PI4K2B: variants seen among roughly 807,000 people sequenced by gnomAD.
PI4K2B encodes the protein phosphatidylinositol 4-kinase type 2-beta.
PI4K2B carries 46 observed loss-of-function variants against 56.6 expected under a neutral mutation model. That is an observed-to-expected ratio of 0.81 (90% CI 0.64 to 1.04). The LOEUF is 1.04. PI4K2B is among the 50% of genes least tolerant of loss of function. PI4K2B has a pLI of 0.00. For synonymous variants in PI4K2B, 211 were observed against 223.8 expected (o/e 0.94, Z 0.51); for missense variants, 556 against 607.7 (o/e 0.91, Z 0.89).
chr4:25,252,958 G>T (rs1157592459), intron 2 of PI4K2B, among the ~76,000 whole-genome samples: 1 of 152,198 alleles, frequency 6.6e-6, no homozygotes, highest in Non-Finnish European at 1.5e-5. Context: ...TAGAAACAGA[G>T]CTAATCAGTT....
intron 7 of PI4K2B, among the ~76,000 whole-genome samples, chr4:25,266,028 C>CTT (rs570733940): frequency 7.4e-5 from 10 of 134,498 alleles, no homozygotes; most frequent in African/African-American, 2.2e-4. Context: ...CTGGTGGCTT[C>CTT]TTTTTTTTTT....
rs771743637 is a variant in PI4K2B at position 25,256,574 on chromosome 4, AT to A, written c.657del (p.Tyr219Ter). 5 of 1,613,772 alleles carry A rather than the reference AT, an allele frequency of 3.1e-6. No homozygotes were observed. The East Asian group carries it at 1.1e-4, about 36-fold the overall frequency. The part of the protein sequence containing the change: ...VVWLVSETFN[Y>X]NAIDRAKSRG... ...TGGCTTGTCAGTGAGACATTTAACT[AT>A]AATGCGATTGACCGTGCAAAATCAA... is the stretch of plus-strand genomic sequence containing the variant. On this transcript the variant is annotated frameshift_variant, in exon 4 of 10. Transcript: ENST00000264864. LOFTEE classifies it high-confidence loss of function.
Position 25,268,483 on chromosome 4 carries a change from C to T in PI4K2B, c.1119C>T (p.Pro373=). The T allele has an allele frequency of 6.2e-7, 1 of 1,603,678 alleles. No individual in the cohort carries two copies. Residue 373 remains proline (P), a synonymous_variant, in exon 8 of 10, where the codon CCC becomes CCT. Transcript: ENST00000264864. ...HWAWLPQAKV[P]FSEEIRNLIL... ...CTTGGCTTCCTCAAGCAAAAGTTCC[C>T]TTTTCTGAAGAAATAAGAAATTTGA...
In PI4K2B at chr4:25,277,263, G is replaced by T; in HGVS notation, c.*76G>T. 1.4e-6 allele frequency: 2 copies of T among 1,439,892 alleles called. No individual in the cohort carries two copies. Among genetic ancestry groups the T allele is most frequent in the Non-Finnish European group, 1.8e-6 (2 of 1,083,250 alleles). The allele number at this position is 1,439,892 out of a possible 1,614,324, so 89.2% of individuals were successfully genotyped here. A position where few individuals can be genotyped will look rare whatever the true frequency, so the allele number is the denominator to read the frequency against. On this transcript the variant is annotated 3_prime_UTR_variant, in exon 10 of 10. Transcript: ENST00000264864. ...AACATCATAGTAATATAAATCTGCTGTTAGGAGCTCCAGTTGCTAAAACCT... is the reference window on the plus strand; with the variant it reads ...AACATCATAGTAATATAAATCTGCTTTTAGGAGCTCCAGTTGCTAAAACCT...
rs1248780978 is a variant in PI4K2B, at chr4:25,236,246, TAAA to T, written c.268+1816_268+1818del. ...ATAAATAAATAAATAAATAAATAAA[TAAA>T]TAAATAAATTTTATTCTCTGTTGGG... On this transcript the variant is annotated intron_variant, in intron 1 of 9. Transcript: ENST00000264864. Among the ~76,000 whole-genome samples the T allele has an allele frequency of 4.6e-4, 63 of 138,040 alleles. 1 individual carries two copies. Among genetic ancestry groups the T allele is most frequent in the African/African-American group, 1.5e-3 (58 of 39,258 alleles). 90.6% of individuals were successfully genotyped at this position (138,040 alleles called of 152,430 possible). A position where few individuals can be genotyped will look rare whatever the true frequency, so the allele number is the denominator to read the frequency against.
At chr4:25,246,399 G>A (rs889123205) in intron 1 of PI4K2B, among the ~76,000 whole-genome samples, 13 of 152,184 alleles carry the variant, frequency 8.5e-5, no homozygotes, top group African/African-American at 1.2e-4. Flanking sequence ...AGACACAAAA[G>A]TTCTCCATGT....
intron 1 of PI4K2B, 32 bp from the exon 2 acceptor site, chr4:25,252,289 A>G: frequency 6.4e-7 from 1 of 1,556,498 alleles, no homozygotes; most frequent in Non-Finnish European, 8.8e-7. Context: ...TATCATGAGC[A>G]TTCTCATAGC....
At chr4:25,259,252 A>T in intron 5 of PI4K2B, 62 bp downstream of exon 5, 1 of 1,143,072 alleles carries the variant, frequency 8.7e-7, no homozygotes, top group Non-Finnish European at 1.3e-6. Context: ...TATTCTTGTT[A>T]TCCAAATCAA....
intron 1 of PI4K2B, among the ~76,000 whole-genome samples, chr4:25,241,496 G>T (rs1339088305): frequency 1.3e-5 from 2 of 152,196 alleles, no homozygotes; most frequent in Non-Finnish European, 2.9e-5. Flanking sequence ...AAAGTGGCAG[G>T]GTTGAGGGCC....
At chr4:25,259,803 C>CA (rs1716394130) in intron 5 of PI4K2B, among the ~76,000 whole-genome samples, 1 of 152,226 alleles carries the variant, frequency 6.6e-6, no homozygotes, top group African/African-American at 2.4e-5. Context: ...ATGCGGCCTG[C>CA]AGGCCACGGG....
rs371233714 is a variant in PI4K2B, at chr4:25,255,239, C to G, written c.598C>G (p.His200Asp). ...TGCCTATCTTGTGGACAACAAGCTTCATCTGAGCATTGTACCTAAAACAAA... is the reference window on the plus strand; with the variant it reads ...TGCCTATCTTGTGGACAACAAGCTTGATCTGAGCATTGTACCTAAAACAAA... ...AGAYLVDNKL[H>D]LSIVPKTKVV... Residue 200 changes from histidine to aspartate, a missense_variant, in exon 3 of 10, where the codon CAT becomes GAT. Transcript: ENST00000264864. 4 of 1,613,946 alleles carry G rather than the reference C, an allele frequency of 2.5e-6. No homozygotes were observed. The highest frequency in any genetic ancestry group is 3.4e-6 in the Non-Finnish European group (4 of 1,179,936).
At chr4:25,260,446 C>T in intron 5 of PI4K2B, 78 bp from the exon 6 acceptor site, 1 of 555,160 alleles carries the variant, frequency 1.8e-6, no homozygotes, top group Non-Finnish European at 3.2e-6. Context: ...ATCAGGAGAT[C>T]ACTAGAGTTT....
chr4:25,260,612 A>T (rs749575773), intron 6 of PI4K2B, 21 bp downstream of exon 6: 111 of 218,762 alleles, frequency 5.1e-4, no homozygotes, highest in African/African-American at 2.7e-3. Context: ...TTACAATTTT[A>T]TATATATATA....
At chr4:25,269,495 T>C (rs2109023900) in intron 9 of PI4K2B, among the ~76,000 whole-genome samples, 1 of 151,714 alleles carries the variant, frequency 6.6e-6, no homozygotes, top group South Asian at 2.1e-4. Context: ...AAAAATTAGC[T>C]GGGTGTGGTG....
chr4:25,258,576 A>G (rs977134126), intron 4 of PI4K2B: 12 of 269,040 alleles, frequency 4.5e-5, no homozygotes, highest in Admixed American at 2.6e-4. Flanking sequence ...AACTAAAAAA[A>G]AAAAATGAAA....
At chr4:25,252,682 A>G (rs1215243426) in intron 2 of PI4K2B, among the ~76,000 whole-genome samples, 3 of 152,064 alleles carry the variant, frequency 2.0e-5, no homozygotes, top group Non-Finnish European at 4.4e-5. Flanking sequence ...GTGCAATCAT[A>G]GCTCACTGTA....
At chr4:25,239,241 A>G (rs1322975899) in intron 1 of PI4K2B, among the ~76,000 whole-genome samples, 1 of 152,150 alleles carries the variant, frequency 6.6e-6, no homozygotes, top group Non-Finnish European at 1.5e-5. Flanking sequence ...CCTTGCGCCC[A>G]CACTCCTCAG....
At chr4:25,251,020 G>T (rs1716029111) in intron 1 of PI4K2B, among the ~76,000 whole-genome samples, 1 of 146,514 alleles carries the variant, frequency 6.8e-6, no homozygotes, top group African/African-American at 2.5e-5. Flanking sequence ...AGGCGTAAAG[G>T]TGAAGAATGA....
At position 25,277,151 on chromosome 4, in the gene PI4K2B, T is replaced by C. The variant is rs1468168809; in HGVS notation, c.1410T>C (p.Thr470=). The stretch of plus-strand genomic sequence containing the variant: ...ACCTGAGCAATTCCTTTACCCAGAC[T>C]GTCAATTGCAGGAAGCCATTTTTTT... ...IVHLSNSFTQ[T]VNCRKPFFSS... Residue 470 remains threonine (T), a synonymous_variant, in exon 10 of 10, where the codon ACT becomes ACC. Coordinates refer to ENST00000264864, the MANE Select transcript of PI4K2B (RefSeq NM_018323.4). The C allele has an allele frequency of 6.2e-7, 1 of 1,613,378 alleles. No individual in the cohort carries two copies. Among genetic ancestry groups the C allele is most frequent in the Admixed American group, 1.7e-5 (1 of 59,974 alleles).
Sources: gnomAD v4.1 joint callset for allele counts (sites outside exome capture counted in the v4.1 genomes callset) on GRCh38, gnomAD v4.1.1 for gene constraint, MANE v1.5 for transcripts, NCBI Gene and HGNC (gene_info 2026-07-23, HGNC 2026-07-21) for gene names.